CD99: variants seen among roughly 807,000 people sequenced by gnomAD.
CD99 encodes the protein CD99 antigen.
Under a neutral mutation model 28.4 loss-of-function variants are expected in CD99, and 19 were observed. That is an observed-to-expected ratio of 0.67 (90% CI 0.47 to 0.98). The LOEUF (loss-of-function observed/expected upper bound fraction) is 0.98, where lower values mean the gene tolerates loss of function less well. CD99 is among the 50% of genes least tolerant of loss of function. The probability of loss-of-function intolerance (pLI) is 0.00; values close to 1 mark genes in which losing one functional copy is unlikely to be tolerated. For synonymous variants in CD99, 103 were observed against 92.1 expected, an observed-to-expected ratio of 1.12 and a Z score of -0.67; for missense variants, 283 against 248.8, an observed-to-expected ratio of 1.14 and a Z score of -0.92.
intron 1 of CD99, among the ~76,000 whole-genome samples, chrX:2,697,101 A>G (rs2047612365): frequency 6.6e-6 from 1 of 152,150 alleles, no homozygotes; most frequent in African/African-American, 2.4e-5. Context: ...GGGTACATGG[A>G]AAGCCTTGCT....
chrX:2,725,355 A>G (rs1007994774), intron 7 of CD99, among the ~76,000 whole-genome samples: 1 of 151,974 alleles, frequency 6.6e-6, no homozygotes, highest in Non-Finnish European at 1.5e-5. Flanking sequence ...CTGTGATTAC[A>G]TCATTGCACT....
rs139425780 is a variant in CD99 at position 2,738,274 on chromosome X, C to T, written c.532+18C>T. The T allele has an allele frequency of 9.8e-4, 1,577 of 1,613,096 alleles. 18 individuals are homozygous for T. The African/African-American group carries it at 0.016, about 17-fold the overall frequency. On this transcript the variant is annotated intron_variant, in intron 9 of 9. Transcript: ENST00000381192. ...GCCAGCTGGTAAGAAGGACGGGGAA[C>T]GATGGCTTGCACACGTGGCCAGTGT...
chrX:2,723,337 G>A lies in CD99; in HGVS notation c.334G>A (p.Gly112Ser), dbSNP rs1416388968. The change falls in exon 7 of 10, where the codon GGC (glycine) becomes AGC (serine). Residue 112 changes from glycine (G) to serine (S), a missense_variant. Coordinates refer to ENST00000381192, the MANE Select transcript of CD99 (RefSeq NM_002414.5). Reference protein sequence around the residue: ...GEGKGGSDGGGSHRKEGEEAD... With the variant: ...GEGKGGSDGGSSHRKEGEEAD... ...AGGAAAAGGAGGCAGTGATGGTGGA[G>A]GCAGCCACAGGAAAGAAGGGGAAGA... 6.2e-6 allele frequency: 10 copies of A among 1,613,844 alleles called. No homozygotes were observed. Among genetic ancestry groups the A allele is most frequent in the Non-Finnish European group, 8.5e-6 (10 of 1,179,876 alleles).
chrX:2,714,667 C>T (rs1408476082), intron 2 of CD99: 16 of 433,798 alleles, frequency 3.7e-5, no homozygotes. Context: ...AAACAGTATA[C>T]TCCAATTGAA....
chrX:2,691,707 T>C (rs1249945240), intron 1 of CD99: 2 of 705,842 alleles, frequency 2.8e-6, no homozygotes, highest in South Asian at 1.5e-5. Flanking sequence ...TGCGTCCGAT[T>C]TTTCCCAATC....
intron 8 of CD99, among the ~76,000 whole-genome samples, chrX:2,737,246 C>T (rs1456441869): frequency 1.3e-5 from 2 of 152,136 alleles, no homozygotes; most frequent in African/African-American, 2.4e-5. Context: ...GCCACGATCT[C>T]AGCTCACTGC....
rs1455301685 is a variant in CD99, at chrX:2,740,693, A to C, written c.533-86A>C. ...ATTTTTCTTATGCAGAAATAAAACC[A>C]CTGGCTCCTGAAAGTTGTAGGAACT... On this transcript the variant is annotated intron_variant, in intron 9 of 9. Coordinates refer to ENST00000381192, the MANE Select transcript of CD99 (RefSeq NM_002414.5). 1.7e-5 allele frequency: 23 copies of C among 1,381,074 alleles called. 1 individual carries two copies. In the South Asian group the frequency reaches 2.7e-4, roughly 16 times the overall value. The allele number at this position is 1,381,074 out of a possible 1,614,324, so 85.6% of individuals were successfully genotyped here.
intron 8 of CD99, among the ~76,000 whole-genome samples, chrX:2,732,201 A>T (rs368144899): frequency 2.6e-5 from 4 of 151,890 alleles, no homozygotes; most frequent in African/African-American, 9.7e-5. Context: ...TCTCTCATGC[A>T]CTCGGGGTCT....
chrX:2,734,795 C>CTT (rs199499573), intron 8 of CD99, among the ~76,000 whole-genome samples: 2 of 137,950 alleles, frequency 1.4e-5, no homozygotes, highest in African/African-American at 5.4e-5. Context: ...TCTTATTTTC[C>CTT]TTTTTTTTTC....
chrX:2,720,573 G>A (rs2048943827), intron 5 of CD99, 149 bp downstream of exon 5: 1 of 416,220 alleles, frequency 2.4e-6, no homozygotes, highest in Admixed American at 3.6e-5. Context: ...AATGGAAAAT[G>A]TACATTTCAA....
At chrX:2,715,731 C>A (rs143793182) in intron 2 of CD99, 4,219 of 152,452 alleles carry the variant, frequency 0.028, 121 homozygotes, top group South Asian at 0.15. Flanking sequence ...GGGGAGGATC[C>A]TTCCTGCTTC....
chrX:2,722,477 C>A, intron 5 of CD99, 150 bp from the exon 6 acceptor site: 2 of 725,174 alleles, frequency 2.8e-6, no homozygotes, highest in Non-Finnish European at 2.5e-6. Flanking sequence ...CCTGTCACCA[C>A]ATCCAGCTAA....
chrX:2,731,680 A>G (rs968516222), intron 8 of CD99, among the ~76,000 whole-genome samples: 2 of 152,154 alleles, frequency 1.3e-5, no homozygotes, highest in Non-Finnish European at 2.9e-5. Context: ...GTGTCATTGC[A>G]TTGAAATCTG....
intron 8 of CD99, among the ~76,000 whole-genome samples, chrX:2,731,024 A>G (rs1164066920): frequency 6.6e-6 from 1 of 152,088 alleles, no homozygotes. Flanking sequence ...TTCCAACTGC[A>G]TCCACTCACA....
intron 5 of CD99, 119 bp from the exon 6 acceptor site, chrX:2,722,508 A>T: frequency 1.2e-6 from 1 of 840,568 alleles, no homozygotes; most frequent in Non-Finnish European, 2.1e-6. Flanking sequence ...CTTAGTGGAG[A>T]TGGGGTTTCA....
At chrX:2,704,995 G>A (rs2048050107) in intron 1 of CD99, among the ~76,000 whole-genome samples, 1 of 152,212 alleles carries the variant, frequency 6.6e-6, no homozygotes, top group African/African-American at 2.4e-5. Flanking sequence ...GATTATAGGC[G>A]TGAGCCACTG....
intron 3 of CD99, chrX:2,719,387 C>T (rs1184166102): frequency 5.3e-6 from 2 of 375,840 alleles, no homozygotes; most frequent in Admixed American, 1.1e-4. Context: ...TACTTTATTT[C>T]TCTCTCTCTC....
chrX:2,739,909 C>G (rs2050119412), intron 9 of CD99, among the ~76,000 whole-genome samples: 1 of 134,746 alleles, frequency 7.4e-6, no homozygotes, highest in African/African-American at 2.9e-5. Context: ...AACCACGTCT[C>G]TACTAAAAAT....
At chrX:2,728,992 G>A (rs1401950503) in intron 8 of CD99, among the ~76,000 whole-genome samples, 6 of 151,974 alleles carry the variant, frequency 3.9e-5, no homozygotes, top group African/African-American at 1.2e-4. Context: ...CACCACACCC[G>A]GCTAATTTTT....
Sources: allele counts gnomAD v4.1 joint callset (sites outside exome capture counted in the v4.1 genomes callset), GRCh38; gene constraint gnomAD v4.1.1; transcripts MANE v1.5; gene names NCBI Gene and HGNC (gene_info 2026-07-23, HGNC 2026-07-21).